Variants in SLC24A2 observed in about 807,000 individuals in gnomAD.
SLC24A2 encodes the protein solute carrier family 24 member 2.
SLC24A2 carries 36 observed loss-of-function variants against 62.0 expected under a neutral mutation model. The observed-to-expected ratio is 0.58, with a 90% CI of 0.44 to 0.77. The LOEUF (loss-of-function observed/expected upper bound fraction) is 0.77. Among genes scored for constraint, SLC24A2 ranks in the 30% least tolerant of loss-of-function variants. The pLI, the probability that SLC24A2 is intolerant of heterozygous loss-of-function variation, is 0.00. For synonymous variants in SLC24A2, 358 were observed against 294.0 expected (o/e 1.22, Z -2.23); for missense variants, 846 against 817.9 (o/e 1.03, Z -0.42).
intron 2 of SLC24A2, among the ~76,000 whole-genome samples, chr9:19,697,572 CTGAG>C (rs1820229325): frequency 6.6e-6 from 1 of 152,150 alleles, no homozygotes; most frequent in Non-Finnish European, 1.5e-5. Context: ...AAAAAAAGTT[CTGAG>C]TGAGTTCTAT....
chr9:19,531,742 G>C (rs1384491592), intron 8 of SLC24A2, among the ~76,000 whole-genome samples: 1 of 130,454 alleles, frequency 7.7e-6, no homozygotes, highest in African/African-American at 3.0e-5. Flanking sequence ...GTGGTCTCTG[G>C]ATTAATATGA....
chr9:20,178,931 T>C, the SLC24A2 span, among the ~76,000 whole-genome samples: 11 of 152,276 alleles, frequency 7.2e-5, no homozygotes, highest in Non-Finnish European at 1.0e-4. Context: ...ACCATACTAC[T>C]ATGACTCCAT....
the SLC24A2 span, among the ~76,000 whole-genome samples, chr9:20,295,168 A>G: frequency 6.6e-6 from 1 of 152,056 alleles, no homozygotes; most frequent in Non-Finnish European, 1.5e-5. Context: ...CAAAATCCCT[A>G]AAGTCTAAAA....
At chr9:19,562,365 A>G (rs1201857960) in intron 7 of SLC24A2, among the ~76,000 whole-genome samples, 1 of 152,148 alleles carries the variant, frequency 6.6e-6, no homozygotes, top group Non-Finnish European at 1.5e-5. Flanking sequence ...ATAGCCCTTA[A>G]TGTATCTTAT....
chr9:19,766,702 G>A (rs1204795039), intron 2 of SLC24A2, among the ~76,000 whole-genome samples: 1 of 152,188 alleles, frequency 6.6e-6, no homozygotes, highest in East Asian at 1.9e-4. Flanking sequence ...ATGCCAGCCA[G>A]AGTTCTCCTG....
chr9:19,719,449 C>T (rs1018706703), intron 2 of SLC24A2, among the ~76,000 whole-genome samples: 1 of 152,128 alleles, frequency 6.6e-6, no homozygotes, highest in Non-Finnish European at 1.5e-5. Context: ...AGGAGTTCTG[C>T]CTTTAACCAT....
At chr9:19,619,792 G>C in intron 3 of SLC24A2, 100 bp from the exon 4 acceptor site, 2 of 878,192 alleles carry the variant, frequency 2.3e-6, no homozygotes, top group Non-Finnish European at 3.8e-6. Flanking sequence ...CATTTCTGTC[G>C]CATGATCACA....
the SLC24A2 span, among the ~76,000 whole-genome samples, chr9:19,845,969 AT>A: frequency 4.0e-5 from 6 of 149,242 alleles, no homozygotes; most frequent in African/African-American, 1.2e-4. Flanking sequence ...GTATGACTTC[AT>A]TTTTTTTTCT....
At chr9:19,830,051 G>A in the SLC24A2 span, among the ~76,000 whole-genome samples, 1 of 151,972 alleles carries the variant, frequency 6.6e-6, no homozygotes, top group Admixed American at 6.5e-5. Context: ...AAGGGCAAGG[G>A]CAGATGGGTG....
the SLC24A2 span, among the ~76,000 whole-genome samples, chr9:20,122,659 C>T: frequency 6.6e-6 from 1 of 152,140 alleles, no homozygotes; most frequent in Non-Finnish European, 1.5e-5. Context: ...GCACTCCAGC[C>T]TGGGCGACAG....
At chr9:20,048,307 C>T in the SLC24A2 span, among the ~76,000 whole-genome samples, 1 of 152,284 alleles carries the variant, frequency 6.6e-6, no homozygotes, top group South Asian at 2.1e-4. Flanking sequence ...TTTCAATATA[C>T]ATAATTTGCT....
rs1324324405 is a variant in SLC24A2, at chr9:19,516,130, G to A, written c.*23C>T. 1.2e-6 allele frequency: 2 copies of A among 1,613,830 alleles called. No homozygotes were observed. Among genetic ancestry groups the A allele is most frequent in the Admixed American group, 1.7e-5 (1 of 60,014 alleles). On this transcript the variant is annotated 3_prime_UTR_variant, in exon 11 of 11. Transcript: ENST00000341998. The stretch of plus-strand genomic sequence containing the variant: ...GTGTGGAGGGACCATTCATGCTGCT[G>A]GTGCAAGATATGGCTTTTCCTGCTA...
At chr9:20,132,072 A>C in the SLC24A2 span, among the ~76,000 whole-genome samples, 1 of 151,896 alleles carries the variant, frequency 6.6e-6, no homozygotes, top group African/African-American at 2.4e-5. Flanking sequence ...TTTTTTTCTG[A>C]TAGTAACACT....
the SLC24A2 span, among the ~76,000 whole-genome samples, chr9:19,913,964 C>G: frequency 1.3e-5 from 2 of 151,952 alleles, no homozygotes; most frequent in African/African-American, 4.8e-5. Flanking sequence ...TATGCCAGCT[C>G]CTTCTCCAAA....
chr9:20,080,623 A>G, the SLC24A2 span, among the ~76,000 whole-genome samples: 6 of 152,250 alleles, frequency 3.9e-5, no homozygotes, highest in African/African-American at 1.2e-4. Flanking sequence ...CAAAATTGAC[A>G]AATGGGATCT....
chr9:19,532,653 C>A (rs1394275183), intron 8 of SLC24A2, among the ~76,000 whole-genome samples: 1 of 152,076 alleles, frequency 6.6e-6, no homozygotes, highest in African/African-American at 2.4e-5. Flanking sequence ...AAGACCTGGC[C>A]CAGAGTCTTG....
intron 2 of SLC24A2, among the ~76,000 whole-genome samples, chr9:19,734,251 G>A (rs890699565): frequency 6.6e-6 from 1 of 152,128 alleles, no homozygotes; most frequent in Admixed American, 6.6e-5. Context: ...CTATATCTCT[G>A]TTTTGGTACC....
chr9:19,538,346 T>C lies in SLC24A2; in HGVS notation c.1480-10208A>G, dbSNP rs894852595. 2.7e-5 allele frequency among the ~76,000 whole-genome samples: 4 copies of C among 145,838 alleles called. No homozygotes were observed. In the East Asian group the frequency reaches 6.0e-4, roughly 22 times the overall value. Reference sequence around the variant, plus strand: ...TATGATACTGGCTGTGGGTTTGTCATAGATAGCTCTTATTATTTTGAAATA... The same window carrying C: ...TATGATACTGGCTGTGGGTTTGTCACAGATAGCTCTTATTATTTTGAAATA... On this transcript the variant is annotated intron_variant, in intron 8 of 10. Transcript: ENST00000341998.
At chr9:20,166,030 A>G in the SLC24A2 span, among the ~76,000 whole-genome samples, 2 of 151,980 alleles carry the variant, frequency 1.3e-5, no homozygotes, top group Admixed American at 6.6e-5. Context: ...GACTTTAAAC[A>G]TATAAAAAAA....
Sources: allele counts gnomAD v4.1 joint callset (sites outside exome capture counted in the v4.1 genomes callset), GRCh38; gene constraint gnomAD v4.1.1; transcripts MANE v1.5; gene names NCBI Gene and HGNC (gene_info 2026-07-23, HGNC 2026-07-21).